PLIN3: variants seen among roughly 807,000 people sequenced by gnomAD.
The protein encoded by PLIN3 is perilipin 3, also known as perilipin-3.
In PLIN3, 30 loss-of-function variants were observed where a neutral mutation model predicts 35.9. The observed-to-expected ratio is 0.84, with a 90% CI of 0.62 to 1.13. PLIN3 has a LOEUF of 1.13. Among genes scored for constraint, PLIN3 ranks in the 50% most tolerant of loss-of-function variants. The probability of loss-of-function intolerance (pLI) is 0.00; values close to 1 mark genes in which losing one functional copy is unlikely to be tolerated. For synonymous variants in PLIN3, 261 were observed against 262.5 expected (o/e 0.99, Z 0.06); for missense variants, 603 against 596.9 (o/e 1.01, Z -0.11).
intron 1 of PLIN3, among the ~76,000 whole-genome samples, chr19:4,864,509 G>A (rs1396090415): frequency 6.6e-6 from 1 of 151,584 alleles, no homozygotes; most frequent in Admixed American, 6.6e-5. Context: ...AGTAGATGGG[G>A]TTTTGCCATG....
In PLIN3 at chr19:4,852,265, C is replaced by G; in HGVS notation, c.385G>C (p.Val129Leu). 6.2e-7 allele frequency: 1 copy of G among 1,605,438 alleles called. No homozygotes were observed. The highest frequency in any genetic ancestry group is 2.2e-5 in the East Asian group (1 of 44,878). Residue 129 changes from valine (V) to leucine (L), a missense_variant, in exon 5 of 8, where the codon GTG becomes CTG. By Grantham distance (32) the Val-to-Leu change is conservative. Coordinates refer to ENST00000221957, the MANE Select transcript of PLIN3 (RefSeq NM_005817.5). The stretch of plus-strand genomic sequence containing the variant: ...GACACCATCTCTTGGGCCCCCGACA[C>G]CTTAGACGACACAAGCTCCTTGGTG... ...ADTKELVSSK[V>L]SGAQEMVSSA...
chr19:4,866,873 G>C (rs547410588), intron 1 of PLIN3: 2 of 152,586 alleles, frequency 1.3e-5, no homozygotes, highest in Admixed American at 1.3e-4. Flanking sequence ...GGGGGTCAGT[G>C]ACCTGCCTTG....
At chr19:4,851,481 T>TA (rs1568376546) in intron 5 of PLIN3, among the ~76,000 whole-genome samples, 1 of 151,684 alleles carries the variant, frequency 6.6e-6, no homozygotes, top group Non-Finnish European at 1.5e-5. Context: ...ATAAATAAAT[T>TA]AATTAAAGAA....
intron 4 of PLIN3, among the ~76,000 whole-genome samples, chr19:4,859,336 A>C (rs2030587078): frequency 6.6e-6 from 1 of 152,164 alleles, no homozygotes; most frequent in Admixed American, 6.6e-5. Context: ...AGCCCGGCCA[A>C]CATGGTGAAA....
At chr19:4,860,614 A>G (rs1183120012) in intron 2 of PLIN3, among the ~76,000 whole-genome samples, 1 of 152,088 alleles carries the variant, frequency 6.6e-6, no homozygotes, top group African/African-American at 2.4e-5. Context: ...TAGGGTCTAA[A>G]CCGGGGGCTG....
At chr19:4,863,707 T>C (rs932967579) in intron 1 of PLIN3, among the ~76,000 whole-genome samples, 13 of 145,366 alleles carry the variant, frequency 8.9e-5, no homozygotes, top group African/African-American at 3.3e-4. Context: ...CATGTTTAGT[T>C]ATCCCAGCTA....
intron 4 of PLIN3, among the ~76,000 whole-genome samples, chr19:4,852,542 A>G (rs916736486): frequency 5.3e-5 from 8 of 151,798 alleles, no homozygotes; most frequent in Non-Finnish European, 1.0e-4. Context: ...ATGACCTCAT[A>G]CTCTGCAGCC....
intron 6 of PLIN3, among the ~76,000 whole-genome samples, chr19:4,845,178 C>T (rs2030044921): frequency 6.6e-6 from 1 of 152,192 alleles, no homozygotes; most frequent in Non-Finnish European, 1.5e-5. Flanking sequence ...GTAATCCCAG[C>T]ACTTTGGGAG....
In PLIN3 at chr19:4,850,587, A is replaced by ATTTT. The variant is rs71170860; in HGVS notation, c.634+1425_634+1428dup. 3.1e-3 allele frequency among the ~76,000 whole-genome samples: 384 copies of ATTTT among 124,596 alleles called. 4 individuals are homozygous for ATTTT. The highest frequency in any genetic ancestry group is 3.7e-3 in the African/African-American group (116 of 31,632). 81.7% of individuals were successfully genotyped at this position (124,596 alleles called of 152,430 possible). A position where few individuals can be genotyped will look rare whatever the true frequency, so the allele number is the denominator to read the frequency against. On this transcript the variant is annotated intron_variant, in intron 5 of 7. Transcript: ENST00000221957. Reference sequence around the variant, plus strand: ...AGGCACCCGCCACCACGCCCGGCTAATTTTTTTTTTTTTTTTTTTTTTTTT... The same window carrying ATTTT: ...AGGCACCCGCCACCACGCCCGGCTAATTTTTTTTTTTTTTTTTTTTTTTTTTTTT...
At chr19:4,854,922 C>T (rs923633167) in intron 4 of PLIN3, among the ~76,000 whole-genome samples, 1 of 151,826 alleles carries the variant, frequency 6.6e-6, no homozygotes, top group African/African-American at 2.4e-5. Context: ...TGAGAACAGC[C>T]TGGGCAACAT....
chr19:4,857,010 C>T (rs2030498164), intron 4 of PLIN3, among the ~76,000 whole-genome samples: 1 of 152,042 alleles, frequency 6.6e-6, no homozygotes, highest in Non-Finnish European at 1.5e-5. Flanking sequence ...TGGTCTGTGC[C>T]TCATTTTTTC....
rs140604744 is a variant in PLIN3, at chr19:4,839,289, T to G, written c.1208A>C (p.His403Pro). 5.0e-6 allele frequency: 8 copies of G among 1,613,954 alleles called. No homozygotes were observed. The African/African-American group carries it at 1.1e-4, about 22-fold the overall frequency. ...GTTCTGGGCCACATATTCCACCATG[T>G]GGTCCAGGGCCTCGCGGGCGCTGGC... Reference protein sequence around the residue: ...RVASAREALDHMVEYVAQNTP... With the variant: ...RVASAREALDPMVEYVAQNTP... Residue 403 changes from histidine (H) to proline (P), a missense_variant, in exon 8 of 8, where the codon CAC becomes CCC. His to Pro is a moderately conservative substitution (Grantham distance 77). Coordinates refer to ENST00000221957, the MANE Select transcript of PLIN3 (RefSeq NM_005817.5).
At chr19:4,849,069 A>G (rs989218765) in intron 5 of PLIN3, among the ~76,000 whole-genome samples, 2 of 151,548 alleles carry the variant, frequency 1.3e-5, no homozygotes, top group Admixed American at 6.6e-5. Context: ...GCTTCAAGCT[A>G]TCCTTCAACC....
chr19:4,862,644 C>T (rs550059212), intron 1 of PLIN3, among the ~76,000 whole-genome samples: 1 of 152,178 alleles, frequency 6.6e-6, no homozygotes, highest in Admixed American at 6.6e-5. Context: ...CCCTTCAGGG[C>T]TCACCTGTAC....
chr19:4,843,751 G>A (rs2029989403), intron 7 of PLIN3, among the ~76,000 whole-genome samples: 1 of 151,746 alleles, frequency 6.6e-6, no homozygotes, highest in Admixed American at 6.6e-5. Flanking sequence ...CGAGAGGATT[G>A]CCTGAGCCTG....
intron 4 of PLIN3, among the ~76,000 whole-genome samples, chr19:4,859,203 G>A (rs1299027109): frequency 6.6e-6 from 1 of 152,108 alleles, no homozygotes; most frequent in South Asian, 2.1e-4. Flanking sequence ...AATGGGCATG[G>A]CTGTGTGCCA....
At chr19:4,850,460 G>A (rs900328371) in intron 5 of PLIN3, among the ~76,000 whole-genome samples, 2 of 151,618 alleles carry the variant, frequency 1.3e-5, no homozygotes, top group South Asian at 2.1e-4. Flanking sequence ...TAGCTCTATT[G>A]CCCAGGCTGG....
intron 5 of PLIN3, among the ~76,000 whole-genome samples, chr19:4,848,327 G>A (rs1343060588): frequency 6.6e-6 from 1 of 152,146 alleles, no homozygotes; most frequent in Admixed American, 6.6e-5. Context: ...TATAAACCTC[G>A]AAGGCCTGGG....
chr19:4,858,265 C>T (rs1304702299), intron 4 of PLIN3, among the ~76,000 whole-genome samples: 1 of 92,240 alleles, frequency 1.1e-5, no homozygotes. Flanking sequence ...AGCAAGACCC[C>T]GTCTCAAAAA....
Sources: gnomAD v4.1 joint callset for allele counts (sites outside exome capture counted in the v4.1 genomes callset) on GRCh38, gnomAD v4.1.1 for gene constraint, MANE v1.5 for transcripts, NCBI Gene and HGNC (gene_info 2026-07-23, HGNC 2026-07-21) for gene names.